The following NFXL1 variants were observed in gnomAD, a reference collection of about 807,000 sequenced individuals.
NFXL1 encodes the protein nuclear transcription factor, X-box binding like 1.
Under a neutral mutation model 123.3 loss-of-function variants are expected in NFXL1, and 66 were observed. That is an observed-to-expected ratio of 0.54 (90% CI 0.44 to 0.66). NFXL1 has a LOEUF of 0.66. NFXL1 is among the 30% of genes least tolerant of loss of function. The probability of loss-of-function intolerance (pLI) is 0.00; values close to 1 mark genes in which losing one functional copy is unlikely to be tolerated. For synonymous variants in NFXL1, 346 were observed against 360.8 expected (o/e 0.96, Z 0.46); for missense variants, 944 against 1,125.6 (o/e 0.84, Z 2.31).
At chr4:47,914,270 G>C (rs565906645) in intron 1 of NFXL1, 65 bp from the exon 2 acceptor site, 2 of 1,277,518 alleles carry the variant, frequency 1.6e-6, no homozygotes, top group African/African-American at 3.0e-5. Flanking sequence ...CGAGGCGAAG[G>C]AGGGTCAGTG....
rs902172498 is a variant in NFXL1 at position 47,906,393 on chromosome 4, T to C, written c.407-1047A>G. Among the ~76,000 whole-genome samples, 5 of 152,290 alleles carry C rather than the reference T, an allele frequency of 3.3e-5. No homozygotes were observed. The South Asian group carries it at 6.2e-4, about 19-fold the overall frequency. On this transcript the variant is annotated intron_variant, in intron 3 of 22. Transcript: ENST00000507489. Reference sequence around the variant, plus strand: ...TTGCCAAAAAGAAAAATTAAATAAATAGGACATGTGGCTAATTCTTTACTT... The same window carrying C: ...TTGCCAAAAAGAAAAATTAAATAAACAGGACATGTGGCTAATTCTTTACTT...
chr4:47,894,147 T>C lies in NFXL1; in HGVS notation c.1452+33A>G, dbSNP rs765935082. On this transcript the variant is annotated intron_variant, in intron 11 of 22. Coordinates refer to ENST00000507489, the MANE Select transcript of NFXL1 (RefSeq NM_001278624.2). ...AAATGGAGAAATTCAATATAGTCTTTAAATCAGAGGTTTCCAAGGTTAATA... is the reference window on the plus strand; with the variant it reads ...AAATGGAGAAATTCAATATAGTCTTCAAATCAGAGGTTTCCAAGGTTAATA... The C allele has an allele frequency of 7.7e-5, 119 of 1,550,598 alleles. No individual in the cohort carries two copies. The Middle Eastern group carries it at 1.0e-3, about 13-fold the overall frequency.
chr4:47,904,546 C>T (rs571901206), intron 4 of NFXL1, among the ~76,000 whole-genome samples: 1 of 152,314 alleles, frequency 6.6e-6, no homozygotes, highest in East Asian at 1.9e-4. Context: ...TTCTACCCAA[C>T]CAGAGCATGT....
chr4:47,914,509 G>A lies in NFXL1; in HGVS notation c.-147C>T. 3.1e-6 allele frequency: 1 copy of A among 326,428 alleles called. No individual in the cohort carries two copies. The highest frequency in any genetic ancestry group is 5.6e-6 in the Non-Finnish European group (1 of 177,048). 20.2% of individuals were successfully genotyped at this position (326,428 alleles called of 1,614,324 possible). ...AGGAGAAGTCGAAACCGCCTCCTCA[G>A]CCTCTGCGGGAGCGTGGTAGGGGAA... On this transcript the variant is annotated 5_prime_UTR_variant, in exon 1 of 23. Coordinates refer to ENST00000507489, the MANE Select transcript of NFXL1 (RefSeq NM_001278624.2).
rs567919550 is a variant in NFXL1 at position 47,866,463 on chromosome 4, T to C, written c.2247-3548A>G. On this transcript the variant is annotated intron_variant, in intron 18 of 22. Coordinates refer to ENST00000507489, the MANE Select transcript of NFXL1 (RefSeq NM_001278624.2). ...AACATAAAGATATGTAATTTACAAC[T>C]ATAAAAAACTACTATAGAAAATAAA... is the stretch of plus-strand genomic sequence containing the variant. Among the ~76,000 whole-genome samples the C allele has an allele frequency of 4.6e-5, 7 of 152,298 alleles. No individual in the cohort carries two copies. In the East Asian group the frequency reaches 1.3e-3, roughly 29 times the overall value.
chr4:47,914,161 A>T lies in NFXL1; in HGVS notation c.43T>A (p.Ser15Thr). ...GGGGCGGCAGTGGCCCGTCCCCGGG[A>T]TCGGCCTCGGCCACCGGCCACCTGG... is the stretch of plus-strand genomic sequence containing the variant. The part of the protein sequence containing the change: ...WRQVAGGRGR[S>T]RGRATAAPSG... Residue 15 changes from serine (S) to threonine (T), a missense_variant, in exon 2 of 23, where the codon TCC becomes ACC. Ser to Thr is a moderately conservative substitution (Grantham distance 58). Transcript: ENST00000507489. 6.5e-7 allele frequency: 1 copy of T among 1,543,232 alleles called. No homozygotes were observed. The highest frequency in any genetic ancestry group is 2.4e-5 in the East Asian group (1 of 41,068).
At chr4:47,885,408 C>G in intron 14 of NFXL1, 90 bp downstream of exon 14, 1 of 1,067,078 alleles carries the variant, frequency 9.4e-7, no homozygotes, top group Non-Finnish European at 1.4e-6. Flanking sequence ...CCAATAAGTG[C>G]TTAATCATTG....
intron 3 of NFXL1, among the ~76,000 whole-genome samples, chr4:47,906,731 C>G (rs754033014): frequency 1.3e-5 from 2 of 152,110 alleles, no homozygotes; most frequent in African/African-American, 2.4e-5. Flanking sequence ...ATAGAACAGG[C>G]TTTTACAAAA....
At chr4:47,868,268 G>A (rs6833758) in intron 18 of NFXL1, among the ~76,000 whole-genome samples, 51,449 of 150,692 alleles carry the variant, frequency 0.34, 9,169 homozygotes, top group East Asian at 0.59. Context: ...GCAGTGAGCC[G>A]AGATCGCACC....
chr4:47,913,874 G>T, intron 2 of NFXL1, 95 bp downstream of exon 2: 1 of 787,684 alleles, frequency 1.3e-6, no homozygotes, highest in Non-Finnish European at 1.9e-6. Flanking sequence ...GAGGGGAAAA[G>T]CAGTGAAAGA....
At position 47,885,566 on chromosome 4, in the gene NFXL1, A is replaced by G. The variant is rs750319178; in HGVS notation, c.1756T>C (p.Leu586=). ...PPCHQPCQKV[L]EKCGHLCPAP... is the part of the protein sequence containing the mutation. ...GGACACAAGTGACCACATTTCTCCA[A>G]AACTTTTTGGCAAGGTTGATGACAT... is the stretch of plus-strand genomic sequence containing the variant. Residue 586 remains leucine (L), a synonymous_variant, in exon 14 of 23, where the codon TTG becomes CTG. Coordinates refer to ENST00000507489, the MANE Select transcript of NFXL1 (RefSeq NM_001278624.2). The G allele has an allele frequency of 2.5e-6, 4 of 1,614,074 alleles. No individual in the cohort carries two copies. Among genetic ancestry groups the G allele is most frequent in the Non-Finnish European group, 3.4e-6 (4 of 1,179,934 alleles).
In NFXL1 at chr4:47,914,144, A is replaced by G; in HGVS notation, c.60T>C (p.Thr20=). Reference sequence around the variant, plus strand: ...GGACTCCATTTCCTGAGGGGGCGGCAGTGGCCCGTCCCCGGGATCGGCCTC... The same window carrying G: ...GGACTCCATTTCCTGAGGGGGCGGCGGTGGCCCGTCCCCGGGATCGGCCTC... ...GGRGRSRGRA[T]AAPSGNGVHL... The change falls in exon 2 of 23, where the codon ACT becomes ACC. Residue 20 remains threonine, a synonymous_variant. Transcript: ENST00000507489. 6.4e-7 allele frequency: 1 copy of G among 1,552,038 alleles called. No homozygotes were observed. The highest frequency in any genetic ancestry group is 8.7e-7 in the Non-Finnish European group (1 of 1,147,848).
At chr4:47,869,872 G>A (rs1464312981) in intron 18 of NFXL1, among the ~76,000 whole-genome samples, 1 of 152,034 alleles carries the variant, frequency 6.6e-6, no homozygotes, top group East Asian at 1.9e-4. Flanking sequence ...AGAATGACAA[G>A]GGGAAATCAT....
chr4:47,863,920 G>T (rs565440176), intron 18 of NFXL1, among the ~76,000 whole-genome samples: 1 of 151,686 alleles, frequency 6.6e-6, no homozygotes. Context: ...CCTTTTTTCT[G>T]TATTTTCTTA....
Position 47,885,911 on chromosome 4 carries a change from G to A in NFXL1, c.1632C>T (p.Thr544=). The change falls in exon 13 of 23, where the codon ACC becomes ACT. Residue 544 remains threonine, a synonymous_variant. Coordinates refer to ENST00000507489, the MANE Select transcript of NFXL1 (RefSeq NM_001278624.2). Reference sequence around the variant, plus strand: ...GCTCCTTGCACTTGGGTGGTCTTGTGGTACGTTCTCGGCCACAGGGCACTG... The same window carrying A: ...GCTCCTTGCACTTGGGTGGTCTTGTAGTACGTTCTCGGCCACAGGGCACTG... The part of the protein sequence containing the change: ...KVTVPCGRER[T]TRPPKCKEQC... The A allele has an allele frequency of 6.2e-7, 1 of 1,613,832 alleles. No homozygotes were observed. Among genetic ancestry groups the A allele is most frequent in the South Asian group, 1.1e-5 (1 of 91,058 alleles).
intron 3 of NFXL1, among the ~76,000 whole-genome samples, chr4:47,905,699 T>C (rs1737536857): frequency 7.9e-6 from 1 of 125,906 alleles, no homozygotes; most frequent in Non-Finnish European, 1.5e-5. Flanking sequence ...AGGAAAAGCC[T>C]AAACTAATTA....
chr4:47,901,827 T>A (rs147532197), intron 5 of NFXL1, among the ~76,000 whole-genome samples: 276 of 152,306 alleles, frequency 1.8e-3, no homozygotes, highest in African/African-American at 6.4e-3. Context: ...TCTCACAGAT[T>A]GCTGAGAATT....
intron 3 of NFXL1, among the ~76,000 whole-genome samples, chr4:47,906,552 C>T (rs1374975329): frequency 5.9e-5 from 9 of 151,996 alleles, no homozygotes. Flanking sequence ...TTATTAAAGA[C>T]AGTTGCTTTA....
chr4:47,884,314 T>G (rs892706177), intron 15 of NFXL1, 32 bp downstream of exon 15: 34 of 1,328,210 alleles, frequency 2.6e-5, no homozygotes, highest in Non-Finnish European at 3.1e-5. Context: ...AGTTTTTTGT[T>G]TTTTTTTTTT....
Sources: gnomAD v4.1 joint callset for allele counts (sites outside exome capture counted in the v4.1 genomes callset) on GRCh38, gnomAD v4.1.1 for gene constraint, MANE v1.5 for transcripts, NCBI Gene and HGNC (gene_info 2026-07-23, HGNC 2026-07-21) for gene names.